MYRF: variants seen among roughly 807,000 people sequenced by gnomAD.
The protein encoded by MYRF is myelin regulatory factor, also known as myelin gene regulatory factor.
MYRF carries 16 observed loss-of-function variants against 126.3 expected under a neutral mutation model. That is an observed-to-expected ratio of 0.13 (90% CI 0.09 to 0.19). The LOEUF (loss-of-function observed/expected upper bound fraction) is 0.19. Among genes scored for constraint, MYRF ranks in the 10% least tolerant of loss-of-function variants. The pLI is 1.00. For synonymous variants in MYRF, 608 were observed against 635.3 expected (o/e 0.96, Z 0.65); for missense variants, 1,104 against 1,547.0 (o/e 0.71, Z 4.80).
intron 1 of MYRF, among the ~76,000 whole-genome samples, chr11:61,758,994 G>A (rs908866752): frequency 5.9e-5 from 9 of 152,374 alleles, no homozygotes; most frequent in African/African-American, 1.9e-4. Context: ...CAGGTGGTAC[G>A]TGATCATGCG....
chr11:61,779,713 T>G, intron 16 of MYRF, 129 bp from the exon 17 acceptor site: 1 of 1,208,934 alleles, frequency 8.3e-7, no homozygotes, highest in African/African-American at 1.5e-5. Context: ...CCCGTTTCTC[T>G]TTCTTCTCCC....
chr11:61,766,551 C>G, intron 3 of MYRF: 1 of 339,264 alleles, frequency 2.9e-6, no homozygotes, highest in Non-Finnish European at 5.4e-6. Flanking sequence ...CATGGGAACA[C>G]CTGCATACCC....
chr11:61,781,365 G>A (rs965809581), intron 21 of MYRF, 36 bp downstream of exon 21: 1 of 1,608,194 alleles, frequency 6.2e-7, no homozygotes, highest in Non-Finnish European at 8.5e-7. Context: ...TGGGGCGGGG[G>A]CTACCTGCGT....
In MYRF at chr11:61,770,346, CCCCCCGCCA is replaced by C; in HGVS notation, c.567_575del (p.Pro194_Pro196del). On this transcript the variant is annotated inframe_deletion, in exon 5 of 27. Coordinates refer to ENST00000278836, the MANE Select transcript of MYRF (RefSeq NM_001127392.3). ...CCCCACCTCCAGCCCACTTGCCAGG[CCCCCCGCCA>C]CCCCCACCACCCCCACCTCACTACC... is the stretch of plus-strand genomic sequence containing the variant. The C allele has an allele frequency of 1.7e-6, 1 of 597,188 alleles. No individual in the cohort carries two copies. Among genetic ancestry groups the C allele is most frequent in the Non-Finnish European group, 2.8e-6 (1 of 352,526 alleles). 37.0% of individuals were successfully genotyped at this position (597,188 alleles called of 1,614,324 possible).
At chr11:61,775,323 G>A (rs117193925) in intron 8 of MYRF, among the ~76,000 whole-genome samples, 40 of 152,038 alleles carry the variant, frequency 2.6e-4, no homozygotes, top group Non-Finnish European at 4.0e-4. Context: ...TGGTACCATC[G>A]CAGCCCCCGC....
At chr11:61,770,072 C>T (rs2066168763) in intron 4 of MYRF, among the ~76,000 whole-genome samples, 174 bp from the exon 5 acceptor site, 1 of 151,952 alleles carries the variant, frequency 6.6e-6, no homozygotes, top group Admixed American at 6.5e-5. Flanking sequence ...CCTCCCTGCC[C>T]AGGCCTCTAG....
Position 61,776,658 on chromosome 11 carries a change from C to A in MYRF, c.1500-129C>A, listed in dbSNP as rs2066391894. 1 of 810,666 alleles carries A rather than the reference C, an allele frequency of 1.2e-6. No homozygotes were observed. Among genetic ancestry groups the A allele is most frequent in the Non-Finnish European group, 1.9e-6 (1 of 518,134 alleles). 50.2% of individuals were successfully genotyped at this position (810,666 alleles called of 1,614,324 possible). On this transcript the variant is annotated intron_variant, in intron 10 of 26. Coordinates refer to ENST00000278836, the MANE Select transcript of MYRF (RefSeq NM_001127392.3). The surrounding 1 kb of genome is among the most constrained non-coding windows in gnomAD (Gnocchi z 4.3). Reference sequence around the variant, plus strand: ...TGCTGTGGGCCCTGGGGAATTTCTGCCCCCTGGTGGAGGCTCGGGTTCCTC... The same window carrying A: ...TGCTGTGGGCCCTGGGGAATTTCTGACCCCTGGTGGAGGCTCGGGTTCCTC...
Position 61,784,326 on chromosome 11 carries a change from G to A in MYRF, c.3241G>A (p.Glu1081Lys). The change falls in exon 25 of 27, where the codon GAG (glutamate) becomes AAG (lysine). Residue 1081 changes from glutamate (E) to lysine (K), a missense_variant. By Grantham distance (56) the Glu-to-Lys change is moderately conservative. Transcript: ENST00000278836. ...SVVLCSLRSKEEPCEEGSLPQ... is the reference protein window; with the variant it reads ...SVVLCSLRSKKEPCEEGSLPQ... ...GGTGCTGTGCAGCCTGAGGTCAAAGGAGGAACCATGTGAGGAGGGGAGCCT... is the reference window on the plus strand; with the variant it reads ...GGTGCTGTGCAGCCTGAGGTCAAAGAAGGAACCATGTGAGGAGGGGAGCCT... The A allele has an allele frequency of 6.2e-7, 1 of 1,614,060 alleles. No individual in the cohort carries two copies. Among genetic ancestry groups the A allele is most frequent in the Non-Finnish European group, 8.5e-7 (1 of 1,180,022 alleles).
chr11:61,756,589 C>T (rs1209363202), intron 1 of MYRF, among the ~76,000 whole-genome samples: 1 of 151,254 alleles, frequency 6.6e-6, no homozygotes, highest in Admixed American at 6.6e-5. Flanking sequence ...TGACTCATCC[C>T]CATGTCCCCA....
chr11:61,753,115 T>G (rs556041252), intron 1 of MYRF, among the ~76,000 whole-genome samples: 1 of 151,842 alleles, frequency 6.6e-6, no homozygotes, highest in African/African-American at 2.4e-5. Context: ...CCCAGCAAAC[T>G]TCCCGAGTCT....
chr11:61,764,255 G>C (rs1280987030), intron 1 of MYRF, among the ~76,000 whole-genome samples: 1 of 152,234 alleles, frequency 6.6e-6, no homozygotes, highest in Non-Finnish European at 1.5e-5. Context: ...GCCAGGGAGG[G>C]GCCTGGGCGG....
intron 1 of MYRF, chr11:61,755,294 G>A (rs555113272): frequency 4.2e-5 from 59 of 1,409,784 alleles, no homozygotes; most frequent in African/African-American, 3.3e-4. Flanking sequence ...GTGGGAGGCC[G>A]GGACAGAGCG....
chr11:61,774,416 A>G (rs473714), intron 8 of MYRF, among the ~76,000 whole-genome samples: 143,282 of 151,834 alleles, frequency 0.94, 68,167 homozygotes, highest in East Asian at 1. Context: ...CTACTTGGGA[A>G]GCTGAGGCAG....
At chr11:61,758,298 T>C (rs1158907721) in intron 1 of MYRF, among the ~76,000 whole-genome samples, 1 of 152,170 alleles carries the variant, frequency 6.6e-6, no homozygotes, top group Non-Finnish European at 1.5e-5. Flanking sequence ...TTTGTGGAGT[T>C]TGAGGATCCT....
rs561188405 is a variant in MYRF at position 61,756,761 on chromosome 11, G to A, written c.46+3971G>A. On this transcript the variant is annotated intron_variant, in intron 1 of 26. Transcript: ENST00000278836. ...TCAGTGCAGGGGTGAGAAACAGGCA[G>A]TTACCAACCCTTTGGCCTCAGGGAC... 2.6e-5 allele frequency among the ~76,000 whole-genome samples: 4 copies of A among 152,190 alleles called. No homozygotes were observed. The East Asian group carries it at 7.7e-4, about 29-fold the overall frequency.
chr11:61,776,506 C>G lies in MYRF; in HGVS notation c.1499+74C>G. 1 of 1,286,706 alleles carries G rather than the reference C, an allele frequency of 7.8e-7. No homozygotes were observed. The highest frequency in any genetic ancestry group is 1.1e-6 in the Non-Finnish European group (1 of 908,140). The allele number at this position is 1,286,706 out of a possible 1,614,324, so 79.7% of individuals were successfully genotyped here. On this transcript the variant is annotated intron_variant, in intron 10 of 26. Coordinates refer to ENST00000278836, the MANE Select transcript of MYRF (RefSeq NM_001127392.3). The surrounding 1 kb of genome is among the most constrained non-coding windows in gnomAD (Gnocchi z 4.3). Reference sequence around the variant, plus strand: ...GAAGACACTGCCCTGGGTGGCACACCAGGCACAGAGTCCTACAGGCTGAGC... The same window carrying G: ...GAAGACACTGCCCTGGGTGGCACACGAGGCACAGAGTCCTACAGGCTGAGC...
At position 61,785,802 on chromosome 11, in the gene MYRF, C is replaced by A; in HGVS notation, c.3303C>A (p.Gly1101=). The A allele has an allele frequency of 6.2e-7, 1 of 1,614,020 alleles. No homozygotes were observed. The change falls in exon 26 of 27, where the codon GGC becomes GGA. Residue 1101 remains glycine, a splice_region_variant and synonymous_variant. Transcript: ENST00000278836. ...QSLHTHQDTQ[G]TSHRWPITIL... is the part of the protein sequence containing the mutation. The stretch of plus-strand genomic sequence containing the variant: ...ACCCCTCTCTCCCTTCTCTCCAGGG[C>A]ACCTCTCACCGGTGGCCAATAACCA...
intron 20 of MYRF, 38 bp from the exon 21 acceptor site, chr11:61,781,100 G>C: frequency 1.2e-6 from 2 of 1,611,638 alleles, no homozygotes; most frequent in Non-Finnish European, 1.7e-6. Flanking sequence ...TTCTGTCTTT[G>C]GGGCTTCTCT....
intron 7 of MYRF, among the ~76,000 whole-genome samples, 162 bp from the exon 8 acceptor site, chr11:61,773,805 G>C (rs1458363364): frequency 6.6e-6 from 1 of 152,194 alleles, no homozygotes; most frequent in Non-Finnish European, 1.5e-5. Context: ...TCCTCTCCGG[G>C]ACTCAGTTTC....
Sources: allele counts gnomAD v4.1 joint callset (sites outside exome capture counted in the v4.1 genomes callset), GRCh38; gene constraint gnomAD v4.1.1; non-coding constraint Gnocchi (gnomAD v3.1); transcripts MANE v1.5; gene names NCBI Gene and HGNC (gene_info 2026-07-23, HGNC 2026-07-21).